SPINK5: variants seen among roughly 807,000 people sequenced by gnomAD.
SPINK5 encodes serine peptidase inhibitor Kazal type 5.
In SPINK5, 125 loss-of-function variants were observed where a neutral mutation model predicts 151.8. That is an observed-to-expected ratio of 0.82 (90% confidence interval 0.71 to 0.96). SPINK5 has a LOEUF of 0.96. Ranked by LOEUF, SPINK5 falls within the 40% of genes least tolerant of loss-of-function variation. SPINK5 has a pLI of 0.00. For synonymous variants in SPINK5, 374 were observed against 395.3 expected (o/e 0.95, Z 0.64); for missense variants, 1,194 against 1,291.9 (o/e 0.92, Z 1.16).
intron 32 of SPINK5, 23 bp downstream of exon 32, chr5:148,133,910 C>T (rs1196307309): frequency 1.2e-6 from 2 of 1,611,644 alleles, no homozygotes; most frequent in African/African-American, 2.7e-5. Context: ...GTAGACTGGC[C>T]TCCATGGTTA....
At chr5:148,070,252 C>A (rs1247373652) in intron 2 of SPINK5, 71 bp from the exon 3 acceptor site, 2 of 1,519,084 alleles carry the variant, frequency 1.3e-6, no homozygotes, top group Non-Finnish European at 9.1e-7. Flanking sequence ...CATATATCTA[C>A]ATATATATAT....
chr5:148,077,374 A>C (rs1359253559), intron 4 of SPINK5, among the ~76,000 whole-genome samples: 1 of 151,086 alleles, frequency 6.6e-6, no homozygotes, highest in East Asian at 1.9e-4. Flanking sequence ...ATATTCTCAA[A>C]AGCTATCCTA....
intron 8 of SPINK5, among the ~76,000 whole-genome samples, chr5:148,092,950 A>C (rs539880195): frequency 6.6e-6 from 1 of 151,976 alleles, no homozygotes; most frequent in African/African-American, 2.4e-5. Flanking sequence ...TGTTCCAAAA[A>C]CCTCATTGTA....
intron 2 of SPINK5, chr5:148,065,583 AATG>A (rs1752562786): frequency 1.8e-6 from 1 of 549,078 alleles, no homozygotes; most frequent in Non-Finnish European, 3.2e-6. Flanking sequence ...TCAACATATT[AATG>A]ATGATGGATG....
At chr5:148,100,663 A>T (rs1284918117) in intron 13 of SPINK5, 82 bp downstream of exon 13, 7 of 1,481,418 alleles carry the variant, frequency 4.7e-6, no homozygotes, top group Non-Finnish European at 6.5e-6. Context: ...TGGGAGGGCC[A>T]CTTCAACATA....
chr5:148,088,530 T>C lies in SPINK5; in HGVS notation c.411-12T>C, dbSNP rs1422261294. Reference sequence around the variant, plus strand: ...ATATTAAACTGCTGTGTCTACTAACTTTTGATTCTAGGAAAACCGGGTCCC... The same window carrying C: ...ATATTAAACTGCTGTGTCTACTAACCTTTGATTCTAGGAAAACCGGGTCCC... On this transcript the variant is annotated splice_polypyrimidine_tract_variant and intron_variant, in intron 5 of 32. Coordinates refer to ENST00000256084, the MANE Select transcript of SPINK5 (RefSeq NM_006846.4). The C allele has an allele frequency of 2.5e-6, 4 of 1,611,178 alleles. No homozygotes were observed. Among genetic ancestry groups the C allele is most frequent in the Middle Eastern group, 1.7e-4 (1 of 6,034 alleles).
At chr5:148,065,310 C>T in intron 1 of SPINK5, 37 bp from the exon 2 acceptor site, 4 of 1,604,386 alleles carry the variant, frequency 2.5e-6, no homozygotes, top group Non-Finnish European at 3.4e-6. Flanking sequence ...AAATATTTTA[C>T]ATTTCCTTAA....
rs1225807542 is a variant in SPINK5, at chr5:148,108,832, G to A, written c.1687G>A (p.Val563Ile). ...VEAEKVKREA[V>I]QELCSEYRHY... ...GGCTGAAAAAGTTAAGAGAGAAGCA[G>A]TTCAGGTAGTTGTTTGAGATCATCA... Residue 563 changes from valine (V) to isoleucine (I), a missense_variant, in exon 18 of 33, where the codon GTT (valine) becomes ATT (isoleucine). Transcript: ENST00000256084. 6.2e-7 allele frequency: 1 copy of A among 1,612,264 alleles called. No individual in the cohort carries two copies. The highest frequency in any genetic ancestry group is 8.5e-7 in the Non-Finnish European group (1 of 1,178,722).
At chr5:148,099,858 A>T (rs1033475138) in intron 12 of SPINK5, among the ~76,000 whole-genome samples, 1 of 152,196 alleles carries the variant, frequency 6.6e-6, no homozygotes, top group Non-Finnish European at 1.5e-5. Flanking sequence ...TTCAAAATGT[A>T]AATAAGATCA....
At chr5:148,070,046 C>T (rs1337740016) in intron 2 of SPINK5, among the ~76,000 whole-genome samples, 1 of 151,964 alleles carries the variant, frequency 6.6e-6, no homozygotes, top group African/African-American at 2.4e-5. Context: ...TTATATGTGT[C>T]ATCTTAGCAT....
chr5:148,087,540 A>C (rs1753192968), intron 5 of SPINK5, among the ~76,000 whole-genome samples: 1 of 151,860 alleles, frequency 6.6e-6, no homozygotes, highest in Admixed American at 6.6e-5. Flanking sequence ...TTATGTCCTC[A>C]ACTCTCACCA....
chr5:148,070,745 C>A (rs1021647227), intron 3 of SPINK5, among the ~76,000 whole-genome samples: 1 of 151,930 alleles, frequency 6.6e-6, no homozygotes, highest in East Asian at 2.0e-4. Context: ...CTTTGAACTT[C>A]CTGGTTTTGG....
At chr5:148,118,079 A>C (rs922030196) in intron 22 of SPINK5, among the ~76,000 whole-genome samples, 2 of 151,986 alleles carry the variant, frequency 1.3e-5, no homozygotes, top group African/African-American at 4.8e-5. Flanking sequence ...AGTGCAATGG[A>C]GCAATCTTGG....
At chr5:148,118,411 G>C in intron 22 of SPINK5, 26 bp from the exon 23 acceptor site, 3 of 1,613,814 alleles carry the variant, frequency 1.9e-6, no homozygotes, top group Non-Finnish European at 2.5e-6. Flanking sequence ...GTAATCCAGG[G>C]GCTCTTCGTT....
rs1161415384 is a variant in SPINK5, at chr5:148,082,735, G to A, written c.283-3670G>A. On this transcript the variant is annotated intron_variant, in intron 4 of 32. Coordinates refer to ENST00000256084, the MANE Select transcript of SPINK5 (RefSeq NM_006846.4). ...CGCCATTCTCCTGCCTCAGCCTCCC[G>A]AGTAGCTGGGACTACAGGCGCCCGC... Among the ~76,000 whole-genome samples, 2 of 52,734 alleles carry A rather than the reference G, an allele frequency of 3.8e-5. 1 individual carries two copies. The highest frequency in any genetic ancestry group is 6.0e-5 in the Non-Finnish European group (2 of 33,434). The allele number at this position is 52,734 out of a possible 152,430, so 34.6% of individuals were successfully genotyped here.
At chr5:148,099,831 C>T (rs1370296390) in intron 12 of SPINK5, among the ~76,000 whole-genome samples, 1 of 152,078 alleles carries the variant, frequency 6.6e-6, no homozygotes, top group African/African-American at 2.4e-5. Flanking sequence ...GTCTCCCTAA[C>T]ATAGTTGGAG....
intron 30 of SPINK5, among the ~76,000 whole-genome samples, chr5:148,128,302 A>G (rs1182690314): frequency 1.3e-5 from 2 of 152,154 alleles, no homozygotes; most frequent in Non-Finnish European, 2.9e-5. Context: ...ATGAAATATC[A>G]CAAAGTGATC....
intron 26 of SPINK5, among the ~76,000 whole-genome samples, chr5:148,121,736 T>C (rs760095044): frequency 5.3e-5 from 8 of 151,694 alleles, no homozygotes; most frequent in Non-Finnish European, 8.8e-5. Flanking sequence ...AGCAAGAGAA[T>C]TGCTTGAGCC....
intron 4 of SPINK5, among the ~76,000 whole-genome samples, chr5:148,079,051 A>G (rs1752954976): frequency 6.6e-6 from 1 of 151,172 alleles, no homozygotes; most frequent in Admixed American, 6.6e-5. Flanking sequence ...AGAAAAGAAC[A>G]GAAGACAAAC....
Sources: gnomAD v4.1 joint callset for allele counts (sites outside exome capture counted in the v4.1 genomes callset) on GRCh38, gnomAD v4.1.1 for gene constraint, MANE v1.5 for transcripts, NCBI Gene and HGNC (gene_info 2026-07-23, HGNC 2026-07-21) for gene names.